ASIP: variants seen among roughly 807,000 people sequenced by gnomAD.
ASIP encodes agouti signaling protein.
Under a neutral mutation model 10.3 loss-of-function variants are expected in ASIP, and 11 were observed. That is an observed-to-expected ratio of 1.07 (90% confidence interval 0.68 to 1.78). The LOEUF is 1.78. Ranked by LOEUF, ASIP falls within the 40% of genes most tolerant of loss-of-function variation. The pLI, the probability that ASIP is intolerant of heterozygous loss-of-function variation, is 0.00. For synonymous variants in ASIP, 70 were observed against 70.8 expected, an observed-to-expected ratio of 0.99 and a Z score of 0.06; for missense variants, 180 against 169.2, an observed-to-expected ratio of 1.06 and a Z score of -0.35.
In ASIP at chr20:34,269,060, A is replaced by T; in HGVS notation, c.292A>T (p.Asn98Tyr). ...PLSAPCVATR[N>Y]SCKPPAPACC... ...ATCTGCGCCCTGCGTGGCCACCCGC[A>T]ACAGCTGCAAGCCGCCGGCACCCGC... Residue 98 changes from asparagine (N) to tyrosine (Y), a missense_variant, in exon 4 of 4, where the codon AAC (asparagine) becomes TAC (tyrosine). Coordinates refer to ENST00000374954, the MANE Select transcript of ASIP (RefSeq NM_001672.3). 6.3e-7 allele frequency: 1 copy of T among 1,597,102 alleles called. No homozygotes were observed. The highest frequency in any genetic ancestry group is 2.3e-5 in the East Asian group (1 of 43,872).
upstream of ASIP, among the ~76,000 whole-genome samples, chr20:34,237,087 T>C (rs1410856817): frequency 6.6e-6 from 1 of 152,252 alleles, no homozygotes; most frequent in Admixed American, 6.5e-5. Flanking sequence ...TCCATTTTTC[T>C]ACACATTTGT....
At chr20:34,257,654 A>G (rs921052978) in intron 1 of ASIP, among the ~76,000 whole-genome samples, 1 of 152,214 alleles carries the variant, frequency 6.6e-6, no homozygotes. Flanking sequence ...ATGATATAAT[A>G]ATAAGTTTCA....
intron 2 of ASIP, among the ~76,000 whole-genome samples, chr20:34,261,187 G>A (rs1000956816): frequency 6.6e-6 from 1 of 152,132 alleles, no homozygotes; most frequent in African/African-American, 2.4e-5. Flanking sequence ...TTACTACCTC[G>A]GCTTTTGCTA....
chr20:34,249,543 G>A (rs937988824), intron 1 of ASIP, among the ~76,000 whole-genome samples: 4 of 152,176 alleles, frequency 2.6e-5, no homozygotes, highest in African/African-American at 9.7e-5. Flanking sequence ...TGAGCATGCA[G>A]CTTGTGTAGC....
chr20:34,262,558 C>A (rs1470134568), intron 2 of ASIP, among the ~76,000 whole-genome samples: 6 of 152,192 alleles, frequency 3.9e-5, no homozygotes, highest in Non-Finnish European at 7.3e-5. Context: ...AGGGACCAGG[C>A]CCCACAAGAG....
In ASIP at chr20:34,243,790, C is replaced by T. The variant is rs575513842; in HGVS notation, c.-11+2301C>T. Among the ~76,000 whole-genome samples the T allele has an allele frequency of 2.7e-5, 4 of 149,794 alleles. No individual in the cohort carries two copies. The East Asian group carries it at 5.8e-4, about 22-fold the overall frequency. On this transcript the variant is annotated intron_variant, in intron 1 of 3. Coordinates refer to ENST00000374954, the MANE Select transcript of ASIP (RefSeq NM_001672.3). ...AAAAAAAAAAAACTGTCTCGCCGGG[C>T]GCGGTGGCTCACGCCTGTAATCCCA...
At position 34,252,769 on chromosome 20, in the gene ASIP, G is replaced by A. The variant is rs189854286; in HGVS notation, c.-10-7596G>A. ...ATATCTCAGGCTGTCTCAGTGGGGG[G>A]AAACCTTGGACAATACCCAGGCTTT... On this transcript the variant is annotated intron_variant, in intron 1 of 3. Coordinates refer to ENST00000374954, the MANE Select transcript of ASIP (RefSeq NM_001672.3). Among the ~76,000 whole-genome samples, 1,336 of 152,262 alleles carry A rather than the reference G, an allele frequency of 8.8e-3. 5 individuals are homozygous for A. Among genetic ancestry groups the A allele is most frequent in the Middle Eastern group, 0.037 (11 of 294 alleles).
At chr20:34,254,252 G>A (rs542841806) in intron 1 of ASIP, among the ~76,000 whole-genome samples, 2 of 152,148 alleles carry the variant, frequency 1.3e-5, no homozygotes, top group Admixed American at 1.3e-4. Context: ...TAGTAGAGAC[G>A]AGCTATCACC....
At chr20:34,207,152 C>T (rs1055289756) in intron 1 of ASIP, among the ~76,000 whole-genome samples, 3 of 152,200 alleles carry the variant, frequency 2.0e-5, no homozygotes, top group African/African-American at 7.2e-5. Flanking sequence ...TCTCTGCATC[C>T]TTACCAGCAT....
Position 34,259,742 on chromosome 20 carries a change from CTCCA to C in ASIP, c.-10-620_-10-617del, listed in dbSNP as rs756142733. On this transcript the variant is annotated intron_variant, in intron 1 of 3. Coordinates refer to ENST00000374954, the MANE Select transcript of ASIP (RefSeq NM_001672.3). ...TCTAGCCTGGGCAACAAGAGAGAGA[CTCCA>C]TCTAAAAAAAAAAAAATCCAGCTAG... 7.3e-5 allele frequency among the ~76,000 whole-genome samples: 11 copies of C among 151,206 alleles called. No individual in the cohort carries two copies. The East Asian group carries it at 1.2e-3, about 16-fold the overall frequency.
At chr20:34,190,776 G>A (rs1034360001), upstream of ASIP, among the ~76,000 whole-genome samples, 1 of 152,138 alleles carries the variant, frequency 6.6e-6, no homozygotes, top group East Asian at 1.9e-4. Flanking sequence ...TGTGGCCACC[G>A]GGAGGCAGTG....
intron 1 of ASIP, among the ~76,000 whole-genome samples, chr20:34,227,645 A>G (rs1324432928): frequency 5.3e-5 from 8 of 151,878 alleles, no homozygotes; most frequent in South Asian, 4.2e-4. Flanking sequence ...AAAAAAAAAA[A>G]AGAGATATAC....
At chr20:34,189,161 AC>A in the ASIP span, among the ~76,000 whole-genome samples, 2 of 152,166 alleles carry the variant, frequency 1.3e-5, no homozygotes, top group Non-Finnish European at 2.9e-5. Flanking sequence ...GTTAAACAAA[AC>A]CTCAAGCAAT....
At chr20:34,189,109 C>T in the ASIP span, among the ~76,000 whole-genome samples, 33 of 152,126 alleles carry the variant, frequency 2.2e-4, no homozygotes, top group Non-Finnish European at 4.9e-4. Flanking sequence ...CTCACAACGA[C>T]CGTGAGGCAT....
intron 1 of ASIP, among the ~76,000 whole-genome samples, chr20:34,205,556 C>G (rs2034929940): frequency 6.7e-6 from 1 of 150,274 alleles, no homozygotes; most frequent in Non-Finnish European, 1.5e-5. Context: ...GCTTCCACAG[C>G]GTGGAAGGGG....
chr20:34,249,433 G>A (rs781679141), intron 1 of ASIP, among the ~76,000 whole-genome samples: 1 of 151,956 alleles, frequency 6.6e-6, no homozygotes, highest in African/African-American at 2.4e-5. Context: ...ACTTTACTGA[G>A]TGTAATGTAA....
Position 34,269,051 on chromosome 20 carries a change from G to A in ASIP, c.283G>A (p.Ala95Thr), listed in dbSNP as rs1220604506. 11 of 1,602,252 alleles carry A rather than the reference G, an allele frequency of 6.9e-6. No individual in the cohort carries two copies. Among genetic ancestry groups the A allele is most frequent in the Non-Finnish European group, 9.4e-6 (11 of 1,175,372 alleles). ...GACCCCCCTATCTGCGCCCTGCGTG[G>A]CCACCCGCAACAGCTGCAAGCCGCC... ...PRTPLSAPCV[A>T]TRNSCKPPAP... Residue 95 changes from alanine to threonine, a missense_variant, in exon 4 of 4, where the codon GCC becomes ACC. By Grantham distance (58) the Ala-to-Thr change is moderately conservative. Transcript: ENST00000374954.
intron 1 of ASIP, among the ~76,000 whole-genome samples, chr20:34,258,753 A>C: frequency 1.2e-5 from 1 of 84,048 alleles, no homozygotes; most frequent in East Asian, 2.9e-4. Context: ...TACTATATAT[A>C]ATATATGATA....
At chr20:34,245,140 C>A (rs1229045121) in intron 1 of ASIP, among the ~76,000 whole-genome samples, 1 of 151,656 alleles carries the variant, frequency 6.6e-6, no homozygotes, top group Non-Finnish European at 1.5e-5. Context: ...TCGAGACCAG[C>A]CTGGCAAACA....
Sources: allele counts gnomAD v4.1 joint callset (sites outside exome capture counted in the v4.1 genomes callset), GRCh38; gene constraint gnomAD v4.1.1; transcripts MANE v1.5; gene names NCBI Gene and HGNC (gene_info 2026-07-23, HGNC 2026-07-21).